The following TMEM273 variants were observed in gnomAD, a reference collection of about 807,000 sequenced individuals.
The protein encoded by TMEM273 is chromosome 10 open reading frame 128.
TMEM273 carries 19 observed loss-of-function variants against 17.9 expected under a neutral mutation model. The observed-to-expected ratio is 1.06, with a 90% CI of 0.74 to 1.55. TMEM273 has a LOEUF of 1.55. Among genes scored for constraint, TMEM273 ranks in the 40% most tolerant of loss-of-function variants. The pLI, the probability that TMEM273 is intolerant of heterozygous loss-of-function variation, is 0.00. For missense variants in TMEM273, 194 were observed against 155.6 expected (o/e 1.25, Z -1.31); for synonymous variants, 66 against 62.0 (o/e 1.07, Z -0.31).
intron 1 of TMEM273, among the ~76,000 whole-genome samples, chr10:49,177,175 A>G (rs1421206910): frequency 6.6e-6 from 1 of 152,252 alleles, no homozygotes; most frequent in Non-Finnish European, 1.5e-5. Flanking sequence ...CCCTTACCCA[A>G]GCCCTGGCTT....
rs369575383 is a variant in TMEM273, at chr10:49,165,604, G to A, written c.269+162C>T. Among the ~76,000 whole-genome samples the A allele has an allele frequency of 3.3e-5, 5 of 152,226 alleles. No homozygotes were observed. In the East Asian group the frequency reaches 9.6e-4, roughly 29 times the overall value. On this transcript the variant is annotated intron_variant, in intron 4 of 6. Coordinates refer to ENST00000374153, the MANE Select transcript of TMEM273 (RefSeq NM_001288740.3). ...CTTGTGACACCTGCCCACTGGTCCAGAGGAGGAGAGAGTGTAAGGAGGGGA... is the reference window on the plus strand; with the variant it reads ...CTTGTGACACCTGCCCACTGGTCCAAAGGAGGAGAGAGTGTAAGGAGGGGA...
At chr10:49,184,545 T>C (rs1243883011) in intron 1 of TMEM273, among the ~76,000 whole-genome samples, 1 of 152,238 alleles carries the variant, frequency 6.6e-6, no homozygotes, top group Non-Finnish European at 1.5e-5. Flanking sequence ...TAGTTATTCC[T>C]AGTAGTGATT....
At chr10:49,179,634 C>T (rs1166958468) in intron 1 of TMEM273, among the ~76,000 whole-genome samples, 1 of 152,126 alleles carries the variant, frequency 6.6e-6, no homozygotes, top group Non-Finnish European at 1.5e-5. Flanking sequence ...TAAAAAGACC[C>T]CCAAAAATGG....
intron 6 of TMEM273, chr10:49,160,341 C>G (rs1845766547): frequency 6.6e-6 from 1 of 152,180 alleles, no homozygotes; most frequent in South Asian, 2.1e-4. Flanking sequence ...AACATCACTT[C>G]ATGGTATTTC....
At chr10:49,181,742 T>C (rs889911286) in intron 1 of TMEM273, among the ~76,000 whole-genome samples, 1 of 152,150 alleles carries the variant, frequency 6.6e-6, no homozygotes, top group Non-Finnish European at 1.5e-5. Flanking sequence ...CATAAAACTA[T>C]GTAAATTTTA....
chr10:49,184,137 C>T (rs1338315956), intron 1 of TMEM273, among the ~76,000 whole-genome samples: 1 of 152,114 alleles, frequency 6.6e-6, no homozygotes, highest in East Asian at 1.9e-4. Flanking sequence ...ACTGATGTCC[C>T]ATACAGAAAA....
chr10:49,156,655 C>T (rs1845530119), intron 6 of TMEM273, among the ~76,000 whole-genome samples: 1 of 152,218 alleles, frequency 6.6e-6, no homozygotes, highest in Non-Finnish European at 1.5e-5. Flanking sequence ...TCACAGTCTC[C>T]TGACAGCTAA....
In TMEM273 at chr10:49,183,353, T is replaced by TTGTGTGTG. The variant is rs3079989; in HGVS notation, c.43+4933_43+4940dup. ...TACCTCAATTGTTTCAGGAAACAAA[T>TTGTGTGTG]TGTGTGTGTGTGTGTGTGTGTGTGT... On this transcript the variant is annotated intron_variant, in intron 1 of 6. Coordinates refer to ENST00000374153, the MANE Select transcript of TMEM273 (RefSeq NM_001288740.3). 9.9e-3 allele frequency among the ~76,000 whole-genome samples: 1,474 copies of TTGTGTGTG among 148,820 alleles called. 12 individuals are homozygous for TTGTGTGTG. Among genetic ancestry groups the TTGTGTGTG allele is most frequent in the East Asian group, 0.035 (178 of 5,064 alleles).
At chr10:49,180,631 A>G (rs932684145) in intron 1 of TMEM273, among the ~76,000 whole-genome samples, 2 of 152,226 alleles carry the variant, frequency 1.3e-5, no homozygotes, top group African/African-American at 2.4e-5. Context: ...TCATAGCAAG[A>G]ACCAGGACAA....
intron 1 of TMEM273, among the ~76,000 whole-genome samples, chr10:49,170,519 C>T (rs570808685): frequency 9.3e-4 from 142 of 152,342 alleles, no homozygotes; most frequent in South Asian, 5.0e-3. Flanking sequence ...CCCCTAATCC[C>T]TGGCCCCAAA....
chr10:49,168,090 G>GGTGGGT, intron 1 of TMEM273, 128 bp from the exon 2 acceptor site: 1 of 1,107,180 alleles, frequency 9.0e-7, no homozygotes, highest in Non-Finnish European at 1.3e-6. Context: ...GCTCCCAATT[G>GGTGGGT]CCATGGAGTG....
At chr10:49,178,824 G>C (rs543087614) in intron 1 of TMEM273, among the ~76,000 whole-genome samples, 1 of 152,246 alleles carries the variant, frequency 6.6e-6, no homozygotes, top group African/African-American at 2.4e-5. Flanking sequence ...TCAGGTTGGA[G>C]CCTGACTTAC....
intron 1 of TMEM273, 150 bp downstream of exon 1, chr10:49,188,144 T>C (rs1014782486): frequency 9.0e-6 from 8 of 893,218 alleles, no homozygotes; most frequent in African/African-American, 1.7e-5. Flanking sequence ...AACAAGATCA[T>C]TGCTCACTAC....
intron 1 of TMEM273, among the ~76,000 whole-genome samples, chr10:49,184,724 T>C (rs1847559767): frequency 1.3e-5 from 2 of 152,098 alleles, no homozygotes; most frequent in Non-Finnish European, 2.9e-5. Context: ...AAAGGAGAAT[T>C]GACACGACAT....
chr10:49,157,016 CA>C (rs1347890757), intron 6 of TMEM273, among the ~76,000 whole-genome samples: 5 of 152,144 alleles, frequency 3.3e-5, no homozygotes, highest in Admixed American at 2.6e-4. Context: ...AGAGGCTGAG[CA>C]GAGGGTTCAT....
intron 1 of TMEM273, chr10:49,178,143 C>G: frequency 2.2e-6 from 1 of 456,660 alleles, no homozygotes; most frequent in Non-Finnish European, 4.4e-6. Flanking sequence ...GCCCAATGTC[C>G]TCCCAGGGCT....
chr10:49,162,970 CGCCCA>C (rs1845937665), intron 5 of TMEM273, among the ~76,000 whole-genome samples: 1 of 152,232 alleles, frequency 6.6e-6, no homozygotes, highest in African/African-American at 2.4e-5. Flanking sequence ...GCTGACTCAG[CGCCCA>C]ACCCACAGCC....
chr10:49,156,112 G>A, intron 6 of TMEM273: 1 of 1,540,204 alleles, frequency 6.5e-7, no homozygotes, highest in East Asian at 2.5e-5. Context: ...CAACCTGGAA[G>A]TTGTTTTCTG....
intron 1 of TMEM273, among the ~76,000 whole-genome samples, chr10:49,169,584 C>T (rs965572693): frequency 6.6e-6 from 1 of 152,230 alleles, no homozygotes; most frequent in East Asian, 1.9e-4. Flanking sequence ...CTTATCTTCT[C>T]TCTTTCCCAC....
Sources: allele counts gnomAD v4.1 joint callset (sites outside exome capture counted in the v4.1 genomes callset), GRCh38; gene constraint gnomAD v4.1.1; transcripts MANE v1.5; gene names NCBI Gene and HGNC (gene_info 2026-07-23, HGNC 2026-07-21).